LYRM4: variants seen among roughly 807,000 people sequenced by gnomAD.
The protein encoded by LYRM4 is LYR motif-containing protein 4.
In LYRM4, 9 loss-of-function variants were observed where a neutral mutation model predicts 11.7. The observed-to-expected ratio is 0.77, with a 90% CI of 0.46 to 1.34. LYRM4 has a LOEUF of 1.34. Ranked by LOEUF, LYRM4 falls within the 40% of genes most tolerant of loss-of-function variation. The pLI is 0.00. For synonymous variants in LYRM4, 42 were observed against 40.4 expected (o/e 1.04, Z -0.15); for missense variants, 133 against 112.5 (o/e 1.18, Z -0.82).
rs561996826 is a variant in LYRM4 at position 5,140,027 on chromosome 6, A to G, written c.208-30536T>C. ...GGCAGGTGGATCACTCGTGCCCAGG[A>G]GTTCGAGACCAGCCTGGAAAACATG... On this transcript the variant is annotated intron_variant, in intron 2 of 2. Coordinates refer to ENST00000330636, the MANE Select transcript of LYRM4 (RefSeq NM_020408.6). Among the ~76,000 whole-genome samples, 5 of 151,866 alleles carry G rather than the reference A, an allele frequency of 3.3e-5. No individual in the cohort carries two copies. In the South Asian group the frequency reaches 8.4e-4, roughly 25 times the overall value.
At chr6:5,239,968 A>C (rs1763780765) in intron 1 of LYRM4, among the ~76,000 whole-genome samples, 1 of 152,198 alleles carries the variant, frequency 6.6e-6, no homozygotes, top group Non-Finnish European at 1.5e-5. Context: ...TGCCCCCGGC[A>C]GGGATGCTCA....
intron 1 of LYRM4, among the ~76,000 whole-genome samples, chr6:5,221,326 G>C (rs1217911251): frequency 1.3e-5 from 2 of 152,202 alleles, no homozygotes; most frequent in Non-Finnish European, 2.9e-5. Context: ...TCCTTCTGAG[G>C]TCCAAATCCA....
intron 2 of LYRM4, among the ~76,000 whole-genome samples, chr6:5,152,110 C>G (rs1029707009): frequency 2.0e-5 from 3 of 152,200 alleles, no homozygotes; most frequent in Admixed American, 2.0e-4. Context: ...ACTGGAACCA[C>G]TAAGTATGGG....
intron 1 of LYRM4, among the ~76,000 whole-genome samples, chr6:5,251,133 T>C (rs73718010): frequency 0.021 from 3,221 of 152,234 alleles, 101 homozygotes; most frequent in African/African-American, 0.072. Flanking sequence ...CCATCTTGTG[T>C]TTGATTCCAC....
the LYRM4 span, chr6:5,085,374 G>A: frequency 1.3e-6 from 1 of 766,004 alleles, no homozygotes; most frequent in Non-Finnish European, 2.0e-6. Flanking sequence ...GACTCGCCTC[G>A]GGGAGGGCGA....
chr6:5,232,470 T>C (rs79951015), intron 1 of LYRM4, among the ~76,000 whole-genome samples: 2,627 of 152,362 alleles, frequency 0.017, 31 homozygotes, highest in Non-Finnish European at 0.025. Context: ...GGAGCCAGTA[T>C]ACTTCATAGT....
intron 2 of LYRM4, chr6:5,136,986 CT>C: frequency 3.2e-6 from 1 of 317,270 alleles, no homozygotes; most frequent in Non-Finnish European, 4.6e-6. Context: ...CATTAGTCGC[CT>C]TTCAAATGTC....
At chr6:5,229,685 T>C (rs1195618077) in intron 1 of LYRM4, among the ~76,000 whole-genome samples, 1 of 152,214 alleles carries the variant, frequency 6.6e-6, no homozygotes, top group African/African-American at 2.4e-5. Flanking sequence ...TTGAGATAAA[T>C]ATGAAATTTA....
At chr6:5,197,465 A>G (rs1761128486) in intron 2 of LYRM4, among the ~76,000 whole-genome samples, 2 of 152,030 alleles carry the variant, frequency 1.3e-5, no homozygotes, top group African/African-American at 2.4e-5. Context: ...CGAGGTCAGG[A>G]GTTCAAGACC....
the LYRM4 span, among the ~76,000 whole-genome samples, chr6:5,067,660 GT>G: frequency 6.6e-6 from 1 of 152,198 alleles, no homozygotes; most frequent in Non-Finnish European, 1.5e-5. Context: ...CTTGGCGACT[GT>G]TTTATAAAGA....
intron 2 of LYRM4, among the ~76,000 whole-genome samples, chr6:5,148,517 G>GAGGGGGCAGA (rs1757896884): frequency 3.9e-5 from 6 of 152,228 alleles, no homozygotes; most frequent in Admixed American, 1.3e-4. Context: ...GAGCTGGGCT[G>GAGGGGGCAGA]GGTATACGCC....
the LYRM4 span, among the ~76,000 whole-genome samples, chr6:5,056,156 G>A: frequency 7.9e-5 from 12 of 152,120 alleles, no homozygotes; most frequent in African/African-American, 1.9e-4. Context: ...ACATGCCACC[G>A]TGCCTGCCTG....
chr6:5,121,235 A>G (rs1000576944), intron 2 of LYRM4, among the ~76,000 whole-genome samples: 1 of 152,206 alleles, frequency 6.6e-6, no homozygotes, highest in Admixed American at 6.5e-5. Flanking sequence ...GGACAGAAGT[A>G]TCTTTGCACC....
At chr6:5,160,504 T>C (rs1758689622) in intron 2 of LYRM4, among the ~76,000 whole-genome samples, 2 of 152,072 alleles carry the variant, frequency 1.3e-5, no homozygotes, top group South Asian at 4.1e-4. Flanking sequence ...AAATCTGATA[T>C]TTTTATAATA....
intron 1 of LYRM4, among the ~76,000 whole-genome samples, chr6:5,236,921 C>T (rs1217897880): frequency 5.3e-5 from 8 of 152,212 alleles, no homozygotes; most frequent in African/African-American, 1.4e-4. Flanking sequence ...TATGCCACTG[C>T]ATTCCAGCCA....
chr6:5,257,864 G>C (rs1260859989), intron 1 of LYRM4, among the ~76,000 whole-genome samples: 1 of 152,212 alleles, frequency 6.6e-6, no homozygotes, highest in African/African-American at 2.4e-5. Flanking sequence ...ACTGGGCAAA[G>C]CATGCTTCAG....
chr6:5,096,887 A>G, the LYRM4 span, among the ~76,000 whole-genome samples: 2 of 152,354 alleles, frequency 1.3e-5, no homozygotes, highest in South Asian at 4.1e-4. Context: ...TGTAGGAAGC[A>G]TAACTGAATC....
intron 2 of LYRM4, among the ~76,000 whole-genome samples, chr6:5,119,844 G>A (rs1763338515): frequency 6.7e-6 from 1 of 148,566 alleles, no homozygotes; most frequent in South Asian, 2.1e-4. Context: ...GGCCCACCAT[G>A]TGATGGTCTC....
At chr6:5,212,012 A>C (rs1222322866) in intron 2 of LYRM4, among the ~76,000 whole-genome samples, 1 of 152,210 alleles carries the variant, frequency 6.6e-6, no homozygotes, top group Non-Finnish European at 1.5e-5. Flanking sequence ...CAAAGATTAC[A>C]ACTCTATTTC....
Sources: gnomAD v4.1 joint callset for allele counts (sites outside exome capture counted in the v4.1 genomes callset) on GRCh38, gnomAD v4.1.1 for gene constraint, MANE v1.5 for transcripts, NCBI Gene and HGNC (gene_info 2026-07-23, HGNC 2026-07-21) for gene names.